NAALADL2: variants seen among roughly 807,000 people sequenced by gnomAD.
The protein encoded by NAALADL2 is N-acetylated alpha-linked acidic dipeptidase like 2.
Under a neutral mutation model 87.2 loss-of-function variants are expected in NAALADL2, and 76 were observed. That is an observed-to-expected ratio of 0.87 (90% CI 0.72 to 1.05). The LOEUF (loss-of-function observed/expected upper bound fraction) is 1.05, where lower values mean the gene tolerates loss of function less well. Ranked by LOEUF, NAALADL2 falls within the 50% of genes least tolerant of loss-of-function variation. NAALADL2 has a pLI of 0.00. For synonymous variants in NAALADL2, 354 were observed against 331.0 expected, an observed-to-expected ratio of 1.07 and a Z score of -0.75; for missense variants, 1,089 against 945.8, an observed-to-expected ratio of 1.15 and a Z score of -1.99.
intron 1 of NAALADL2, chr3:174,540,854 T>C (rs1361323695): frequency 6.6e-6 from 1 of 152,206 alleles, no homozygotes; most frequent in East Asian, 1.9e-4. Context: ...ACATGTGAGT[T>C]TTCCTAATGA....
intron 6 of NAALADL2, among the ~76,000 whole-genome samples, chr3:175,452,567 AGATAT>A (rs757043419): frequency 6.6e-5 from 10 of 152,160 alleles, no homozygotes; most frequent in Non-Finnish European, 1.5e-4. Flanking sequence ...GCATGCATAT[AGATAT>A]GATGGCTGTT....
chr3:174,712,202 A>C (rs2108918596), intron 2 of NAALADL2, among the ~76,000 whole-genome samples: 1 of 152,196 alleles, frequency 6.6e-6, no homozygotes, highest in Admixed American at 6.6e-5. Flanking sequence ...ATAATCTTAA[A>C]ACTACTTTGA....
chr3:175,684,266 A>G (rs1452679329), intron 11 of NAALADL2, among the ~76,000 whole-genome samples: 1 of 152,172 alleles, frequency 6.6e-6, no homozygotes, highest in African/African-American at 2.4e-5. Context: ...AAAATATCCA[A>G]ATGGAGCAAT....
At chr3:175,114,706 T>G (rs1724802340) in intron 2 of NAALADL2, among the ~76,000 whole-genome samples, 1 of 151,558 alleles carries the variant, frequency 6.6e-6, no homozygotes, top group Non-Finnish European at 1.5e-5. Context: ...ATGGTTCAAA[T>G]GTCACAGTAA....
At chr3:175,415,254 A>G (rs1249182436) in intron 5 of NAALADL2, among the ~76,000 whole-genome samples, 2 of 152,158 alleles carry the variant, frequency 1.3e-5, no homozygotes, top group African/African-American at 4.8e-5. Context: ...TAAATAAGCA[A>G]CCATTTAATG....
chr3:175,449,669 A>C (rs1721258832), intron 6 of NAALADL2, among the ~76,000 whole-genome samples: 1 of 152,196 alleles, frequency 6.6e-6, no homozygotes, highest in African/African-American at 2.4e-5. Context: ...CTGGGATTAC[A>C]GGCATGAGCC....
intron 11 of NAALADL2, among the ~76,000 whole-genome samples, chr3:175,683,388 T>C (rs1452939430): frequency 6.6e-6 from 1 of 151,996 alleles, no homozygotes; most frequent in Non-Finnish European, 1.5e-5. Context: ...GTGTAGGACA[T>C]AGTCATGTTC....
chr3:175,673,527 CT>C (rs992445124), intron 11 of NAALADL2, among the ~76,000 whole-genome samples: 57 of 149,314 alleles, frequency 3.8e-4, no homozygotes, highest in African/African-American at 6.1e-4. Flanking sequence ...ATATTAAAAA[CT>C]TTTTTTTTGT....
intron 1 of NAALADL2, among the ~76,000 whole-genome samples, chr3:174,952,790 C>T (rs1477500388): frequency 6.6e-6 from 1 of 152,090 alleles, no homozygotes; most frequent in Non-Finnish European, 1.5e-5. Context: ...GCCTGCATGA[C>T]ATTAGGTTTG....
chr3:174,570,077 A>G (rs1463181852), intron 2 of NAALADL2, among the ~76,000 whole-genome samples: 1 of 152,128 alleles, frequency 6.6e-6, no homozygotes, highest in Non-Finnish European at 1.5e-5. Context: ...TCAGAATGCA[A>G]CAATGATTTT....
At chr3:174,830,256 C>A (rs376861371) in intron 3 of NAALADL2, among the ~76,000 whole-genome samples, 1 of 147,682 alleles carries the variant, frequency 6.8e-6, no homozygotes, top group Admixed American at 6.8e-5. Context: ...TTAGGTCTAA[C>A]GTTTAAGTCT....
At chr3:174,649,785 T>C (rs1724169259) in intron 2 of NAALADL2, among the ~76,000 whole-genome samples, 2 of 152,180 alleles carry the variant, frequency 1.3e-5, no homozygotes, top group African/African-American at 4.8e-5. Flanking sequence ...AATTAATTCA[T>C]GTGGAAGCTG....
At chr3:174,680,561 A>G (rs904698572) in intron 2 of NAALADL2, among the ~76,000 whole-genome samples, 1 of 152,214 alleles carries the variant, frequency 6.6e-6, no homozygotes, top group African/African-American at 2.4e-5. Flanking sequence ...TATCCAAAGA[A>G]TTATACTTTT....
intron 4 of NAALADL2, among the ~76,000 whole-genome samples, chr3:175,264,965 T>C (rs1212525374): frequency 6.6e-6 from 1 of 151,636 alleles, no homozygotes; most frequent in Non-Finnish European, 1.5e-5. Context: ...CATCATAAAG[T>C]TGTGAAAAAT....
chr3:175,795,627 G>A (rs1753372750), intron 13 of NAALADL2, among the ~76,000 whole-genome samples: 1 of 151,888 alleles, frequency 6.6e-6, no homozygotes, highest in African/African-American at 2.4e-5. Flanking sequence ...AGCTTGCAGT[G>A]AGCAGAGATT....
chr3:174,659,668 T>A (rs1384808405), intron 2 of NAALADL2, among the ~76,000 whole-genome samples: 2 of 152,318 alleles, frequency 1.3e-5, no homozygotes, highest in Middle Eastern at 3.4e-3. Flanking sequence ...GTGGGAGGCA[T>A]AAGCCAGTGT....
intron 2 of NAALADL2, among the ~76,000 whole-genome samples, chr3:175,103,486 T>A (rs1722584525): frequency 6.6e-6 from 1 of 152,206 alleles, no homozygotes; most frequent in Non-Finnish European, 1.5e-5. Flanking sequence ...ATGACAAATT[T>A]ACTGCATATA....
chr3:174,972,318 C>A (rs1286287413), intron 1 of NAALADL2, among the ~76,000 whole-genome samples: 3 of 152,072 alleles, frequency 2.0e-5, no homozygotes, highest in Non-Finnish European at 4.4e-5. Flanking sequence ...CTAATGCTGC[C>A]ATAACAAAAA....
intron 4 of NAALADL2, among the ~76,000 whole-genome samples, chr3:175,290,671 A>C (rs1260733510): frequency 6.6e-6 from 1 of 152,196 alleles, no homozygotes; most frequent in Admixed American, 6.5e-5. Context: ...GACCTTGGCG[A>C]TGACCTTGAG....
Sources: allele counts gnomAD v4.1 joint callset (sites outside exome capture counted in the v4.1 genomes callset), GRCh38; gene constraint gnomAD v4.1.1; transcripts MANE v1.5; gene names NCBI Gene and HGNC (gene_info 2026-07-23, HGNC 2026-07-21).